Variants in TNNI3K observed in about 807,000 individuals in gnomAD.
TNNI3K encodes serine/threonine-protein kinase TNNI3K.
A neutral mutation model predicts 114.5 loss-of-function variants in TNNI3K; 140 were observed. That is an observed-to-expected ratio of 1.22 (90% CI 1.07 to 1.41). The LOEUF (loss-of-function observed/expected upper bound fraction) is 1.41. Ranked by LOEUF, TNNI3K falls within the 40% of genes most tolerant of loss-of-function variation. The pLI is 0.00. For missense variants in TNNI3K, 1,125 were observed against 1,007.6 expected, an observed-to-expected ratio of 1.12 and a Z score of -1.58; for synonymous variants, 347 against 347.5, an observed-to-expected ratio of 1.00 and a Z score of 0.02.
chr1:74,534,846 T>G (rs1646640509), intron 23 of TNNI3K, among the ~76,000 whole-genome samples: 1 of 152,154 alleles, frequency 6.6e-6, no homozygotes, highest in South Asian at 2.1e-4. Flanking sequence ...TCTCTACAGT[T>G]TCCTCTGCTT....
intron 2 of TNNI3K, among the ~76,000 whole-genome samples, chr1:74,246,105 ACT>A (rs1454361662): frequency 3.3e-5 from 5 of 152,226 alleles, no homozygotes; most frequent in Admixed American, 1.3e-4. Flanking sequence ...TGAAAATGCC[ACT>A]GTTTTAAATG....
intron 23 of TNNI3K, among the ~76,000 whole-genome samples, chr1:74,518,093 G>A (rs1475702970): frequency 6.6e-6 from 1 of 152,156 alleles, no homozygotes; most frequent in Non-Finnish European, 1.5e-5. Context: ...GTTACTAGAG[G>A]ACAGATGGTG....
chr1:74,353,422 A>T, intron 10 of TNNI3K, 62 bp downstream of exon 10: 2 of 1,576,212 alleles, frequency 1.3e-6, no homozygotes, highest in Admixed American at 3.5e-5. Flanking sequence ...GAATAATGGT[A>T]TGCAAAGGGA....
chr1:74,280,374 T>G (rs1348542014), intron 5 of TNNI3K, among the ~76,000 whole-genome samples: 7 of 146,842 alleles, frequency 4.8e-5, no homozygotes, highest in Admixed American at 4.1e-4. Flanking sequence ...AGAGCGAAAC[T>G]CCATCTCAAA....
chr1:74,292,100 C>T (rs1282491880), intron 5 of TNNI3K, among the ~76,000 whole-genome samples: 2 of 151,146 alleles, frequency 1.3e-5, no homozygotes, highest in African/African-American at 2.4e-5. Flanking sequence ...TTTTTTATTC[C>T]TGATACTGAT....
chr1:74,543,843 T>C, intron 24 of TNNI3K, 63 bp from the exon 25 acceptor site: 2 of 1,601,706 alleles, frequency 1.2e-6, no homozygotes, highest in African/African-American at 2.7e-5. Context: ...AGGCTGGTTA[T>C]AAAAAATTGG....
At chr1:74,465,729 G>A (rs1667650168) in intron 21 of TNNI3K, among the ~76,000 whole-genome samples, 1 of 152,230 alleles carries the variant, frequency 6.6e-6, no homozygotes, top group African/African-American at 2.4e-5. Flanking sequence ...CCTGTGTGGG[G>A]TGGGGTCTTG....
Position 74,305,779 on chromosome 1 carries a change from T to C in TNNI3K, c.445-25671T>C, listed in dbSNP as rs542249770. 3.9e-5 allele frequency among the ~76,000 whole-genome samples: 6 copies of C among 152,300 alleles called. No individual in the cohort carries two copies. In the East Asian group the frequency reaches 1.2e-3, roughly 29 times the overall value. On this transcript the variant is annotated intron_variant, in intron 5 of 24. Coordinates refer to ENST00000326637, the MANE Select transcript of TNNI3K (RefSeq NM_015978.3). ...TGCAAAAGAAAGAACTCATTAAAAA[T>C]ACATATTATAGTTCAATATTTTGTT...
At chr1:74,304,812 G>A (rs565929) in intron 5 of TNNI3K, among the ~76,000 whole-genome samples, 150,942 of 152,310 alleles carry the variant, frequency 0.99, 74,812 homozygotes, top group Middle Eastern at 1. Context: ...CATACTTAAT[G>A]TAATACAGAA....
intron 23 of TNNI3K, among the ~76,000 whole-genome samples, chr1:74,508,920 A>G (rs1670044692): frequency 6.6e-6 from 1 of 152,194 alleles, no homozygotes; most frequent in South Asian, 2.1e-4. Context: ...AAATTCATAT[A>G]AAACACTTAA....
At chr1:74,509,328 T>C (rs1034953264) in intron 23 of TNNI3K, among the ~76,000 whole-genome samples, 5 of 152,188 alleles carry the variant, frequency 3.3e-5, no homozygotes, top group Non-Finnish European at 7.4e-5. Context: ...AAATGACATT[T>C]GAGGGTTTCA....
At chr1:74,369,340 T>C (rs1047360315) in intron 15 of TNNI3K, 51 bp from the exon 16 acceptor site, 2 of 1,606,594 alleles carry the variant, frequency 1.2e-6, no homozygotes, top group Admixed American at 3.4e-5. Flanking sequence ...GGCAAGCCCC[T>C]TGTTTGGATC....
chr1:74,264,978 A>G (rs1377457902), intron 4 of TNNI3K, among the ~76,000 whole-genome samples: 2 of 152,056 alleles, frequency 1.3e-5, no homozygotes, highest in East Asian at 3.9e-4. Flanking sequence ...AAAATGAGGA[A>G]TATAAGGTCA....
chr1:74,477,194 C>T (rs1441152125), intron 21 of TNNI3K, among the ~76,000 whole-genome samples: 1 of 151,956 alleles, frequency 6.6e-6, no homozygotes, highest in Non-Finnish European at 1.5e-5. Context: ...AAATTAGAAC[C>T]ACTCTTTAAC....
intron 5 of TNNI3K, among the ~76,000 whole-genome samples, chr1:74,319,957 C>T (rs571301982): frequency 6.6e-6 from 1 of 152,212 alleles, no homozygotes; most frequent in Non-Finnish European, 1.5e-5. Context: ...CTGGAGCAAG[C>T]CTGCATAGTG....
intron 5 of TNNI3K, among the ~76,000 whole-genome samples, chr1:74,286,701 AC>A (rs1258582951): frequency 6.6e-6 from 1 of 151,242 alleles, no homozygotes; most frequent in Non-Finnish European, 1.5e-5. Context: ...CCCACTGCAA[AC>A]CCCAATGGAT....
chr1:74,465,545 A>G (rs1010781478), intron 21 of TNNI3K, among the ~76,000 whole-genome samples: 6 of 151,210 alleles, frequency 4.0e-5, no homozygotes, highest in African/African-American at 7.4e-5. Flanking sequence ...TCCCCCCCCA[A>G]CCGTGGGCTC....
chr1:74,371,985 A>C (rs996932782), intron 17 of TNNI3K: 11 of 151,730 alleles, frequency 7.2e-5, no homozygotes, highest in Non-Finnish European at 1.3e-4. Flanking sequence ...ATAACAAAAT[A>C]CAGAGTTTAT....
intron 17 of TNNI3K, among the ~76,000 whole-genome samples, chr1:74,412,090 T>C (rs1664907681): frequency 6.6e-6 from 1 of 152,172 alleles, no homozygotes; most frequent in Non-Finnish European, 1.5e-5. Context: ...ACAGATTAGA[T>C]AAAAGAGCCC....
Sources: gnomAD v4.1 joint callset for allele counts (sites outside exome capture counted in the v4.1 genomes callset) on GRCh38, gnomAD v4.1.1 for gene constraint, MANE v1.5 for transcripts, NCBI Gene and HGNC (gene_info 2026-07-23, HGNC 2026-07-21) for gene names.